Variants in WWP2 observed in about 807,000 individuals in gnomAD.
WWP2 encodes the protein NEDD4-like E3 ubiquitin-protein ligase WWP2.
A neutral mutation model predicts 121.0 loss-of-function variants in WWP2; 57 were observed. The observed-to-expected ratio is 0.47, with a 90% CI of 0.38 to 0.59. The LOEUF is 0.59. Ranked by LOEUF, WWP2 falls within the 20% of genes least tolerant of loss-of-function variation. The pLI is 0.00. For missense variants in WWP2, 962 were observed against 1,158.9 expected, an observed-to-expected ratio of 0.83 and a Z score of 2.47; for synonymous variants, 449 against 441.3, an observed-to-expected ratio of 1.02 and a Z score of -0.22.
chr16:69,797,094 C>G (rs1186132874), intron 2 of WWP2, among the ~76,000 whole-genome samples: 1 of 152,166 alleles, frequency 6.6e-6, no homozygotes, highest in African/African-American at 2.4e-5. Flanking sequence ...GTGTTTTACC[C>G]TAGCGACCTG....
At chr16:69,828,441 A>C (rs2056741486) in intron 4 of WWP2, among the ~76,000 whole-genome samples, 1 of 152,202 alleles carries the variant, frequency 6.6e-6, no homozygotes. Context: ...ATCTCAGCTC[A>C]CCACAACCTC....
intron 7 of WWP2, among the ~76,000 whole-genome samples, chr16:69,879,582 G>A (rs756252991): frequency 1.1e-4 from 16 of 152,130 alleles, no homozygotes; most frequent in East Asian, 1.9e-4. Flanking sequence ...ATAATATTCC[G>A]TTGTATATAC....
At chr16:69,823,053 C>A (rs1220861076) in intron 4 of WWP2, among the ~76,000 whole-genome samples, 2 of 152,138 alleles carry the variant, frequency 1.3e-5, no homozygotes, top group Admixed American at 1.3e-4. Context: ...ATCACTTGAA[C>A]CCAGGAGGCA....
At chr16:69,873,712 G>A (rs906912736) in intron 7 of WWP2, among the ~76,000 whole-genome samples, 1 of 152,194 alleles carries the variant, frequency 6.6e-6, no homozygotes, top group African/African-American at 2.4e-5. Flanking sequence ...AAATGGGGAT[G>A]GGGGACTGGC....
intron 8 of WWP2, among the ~76,000 whole-genome samples, chr16:69,896,583 GT>G (rs2058107588): frequency 6.6e-6 from 1 of 151,958 alleles, no homozygotes; most frequent in Admixed American, 6.6e-5. Context: ...ATTTTTTAAA[GT>G]TTTTTTCTGA....
At chr16:69,903,347 C>T (rs1350357610) in intron 8 of WWP2, among the ~76,000 whole-genome samples, 1 of 152,172 alleles carries the variant, frequency 6.6e-6, no homozygotes, top group African/African-American at 2.4e-5. Flanking sequence ...AAGCATTAGC[C>T]TACCTTCATA....
At chr16:69,848,832 T>C (rs2057142363) in intron 6 of WWP2, among the ~76,000 whole-genome samples, 1 of 152,182 alleles carries the variant, frequency 6.6e-6, no homozygotes, top group South Asian at 2.1e-4. Context: ...CCTCATCAGC[T>C]GTCAGTAGTG....
At chr16:69,843,810 A>G (rs1310419304) in intron 6 of WWP2, among the ~76,000 whole-genome samples, 1 of 152,130 alleles carries the variant, frequency 6.6e-6, no homozygotes, top group Non-Finnish European at 1.5e-5. Context: ...TTGAGGCTGC[A>G]CTGAGCTAGC....
At chr16:69,815,950 G>T (rs2056482005) in intron 4 of WWP2, among the ~76,000 whole-genome samples, 1 of 152,036 alleles carries the variant, frequency 6.6e-6, no homozygotes, top group African/African-American at 2.4e-5. Context: ...TAGAGTCAGG[G>T]TCTTACTATG....
In WWP2 at chr16:69,941,138, T is replaced by C. The variant is rs1331390761; in HGVS notation, c.*1198T>C. ...AGCAGAAAGGCCCTGAGCTGCTGCA[T>C]AGCCCCATCTGATTTCTGCAGTTCC... On this transcript the variant is annotated 3_prime_UTR_variant, in exon 24 of 24. Coordinates refer to ENST00000359154, the MANE Select transcript of WWP2 (RefSeq NM_001270454.2). The C allele has an allele frequency of 6.6e-6, 1 of 152,358 alleles. No individual in the cohort carries two copies. Among genetic ancestry groups the C allele is most frequent in the African/African-American group, 2.4e-5 (1 of 41,472 alleles). 9.4% of individuals were successfully genotyped at this position (152,358 alleles called of 1,614,324 possible).
Position 69,799,177 on chromosome 16 carries a change from T to A in WWP2, c.222T>A (p.Asn74Lys), listed in dbSNP as rs777963501. The A allele has an allele frequency of 5.0e-6, 8 of 1,610,526 alleles. No individual in the cohort carries two copies. The South Asian group carries it at 8.8e-5, about 18-fold the overall frequency. The change falls in exon 4 of 24, where the codon AAT becomes AAA. Residue 74 changes from asparagine (N) to lysine (K), a missense_variant. Coordinates refer to ENST00000359154, the MANE Select transcript of WWP2 (RefSeq NM_001270454.2). The surrounding 1 kb of genome is among the most constrained non-coding windows in gnomAD (Gnocchi z 4.5). ...ELLWNEIIIL[N>K]VTAQSHLDLK... is the part of the protein sequence containing the mutation. The stretch of plus-strand genomic sequence containing the variant: ...GAATCAGGTATTTGTTTTTCAGGAA[T>A]GTCACGGCACAGAGTCATTTAGATT...
chr16:69,866,025 G>C (rs545420724), intron 6 of WWP2, among the ~76,000 whole-genome samples: 3 of 152,268 alleles, frequency 2.0e-5, no homozygotes, highest in South Asian at 4.1e-4. Flanking sequence ...AGGGAAGGAG[G>C]GGGTGTAACG....
rs186277368 is a variant in WWP2 at position 69,785,269 on chromosome 16, A to C, written c.-15-1727A>C. Among the ~76,000 whole-genome samples the C allele has an allele frequency of 1.9e-3, 283 of 151,720 alleles. 6 individuals carry two copies. The highest frequency in any genetic ancestry group is 6.3e-3 in the African/African-American group (261 of 41,400). On this transcript the variant is annotated intron_variant, in intron 1 of 23. Transcript: ENST00000359154. ...GACAAAAGACAAGGTAGTAGAGATG[A>C]TGGAAGGAGGGAGGAAGGGGAGCGG...
intron 8 of WWP2, among the ~76,000 whole-genome samples, chr16:69,894,100 G>C (rs1352416942): frequency 1.3e-5 from 2 of 151,360 alleles, no homozygotes; most frequent in Non-Finnish European, 2.9e-5. Context: ...AACTGAGATG[G>C]AGTCTCGCTC....
chr16:69,866,453 A>G (rs2057526543), intron 6 of WWP2, among the ~76,000 whole-genome samples: 1 of 151,802 alleles, frequency 6.6e-6, no homozygotes, highest in Admixed American at 6.6e-5. Flanking sequence ...GCTTTCTACA[A>G]ATTTCTTCCC....
intron 7 of WWP2, among the ~76,000 whole-genome samples, chr16:69,886,451 G>GA (rs1001502391): frequency 8.0e-4 from 116 of 144,818 alleles, no homozygotes; most frequent in Admixed American, 1.3e-3. Context: ...CTCACATGAA[G>GA]AAAAAAAAAA....
intron 2 of WWP2, among the ~76,000 whole-genome samples, chr16:69,797,307 G>A (rs1251247945): frequency 2.6e-5 from 4 of 152,112 alleles, no homozygotes; most frequent in Non-Finnish European, 5.9e-5. Context: ...GCTGGTAATC[G>A]AAGAACAGCA....
At chr16:69,790,030 G>A (rs1203949694) in intron 2 of WWP2, among the ~76,000 whole-genome samples, 3 of 152,160 alleles carry the variant, frequency 2.0e-5, no homozygotes, top group African/African-American at 7.2e-5. Flanking sequence ...ATTCCCTGAG[G>A]TCAGGAGTTC....
chr16:69,936,742 C>T, intron 19 of WWP2: 1 of 509,474 alleles, frequency 2.0e-6, no homozygotes, highest in South Asian at 2.2e-5. Context: ...CTGCATCTTT[C>T]TCCGGGCCGA....
Sources: gnomAD v4.1 joint callset for allele counts (sites outside exome capture counted in the v4.1 genomes callset) on GRCh38, gnomAD v4.1.1 for gene constraint, Gnocchi (gnomAD v3.1) non-coding constraint, MANE v1.5 for transcripts, NCBI Gene and HGNC (gene_info 2026-07-23, HGNC 2026-07-21) for gene names.